The following DNALI1 variants were observed in gnomAD, a reference collection of about 807,000 sequenced individuals.
DNALI1 encodes the protein axonemal dynein light intermediate polypeptide 1.
In DNALI1, 31 loss-of-function variants were observed where a neutral mutation model predicts 33.9. The ratio of observed to expected loss-of-function variants is 0.91; its 90% confidence interval spans 0.69 to 1.23. DNALI1 has a LOEUF of 1.23. Among genes scored for constraint, DNALI1 ranks in the 50% most tolerant of loss-of-function variants. DNALI1 has a pLI of 0.00. For synonymous variants in DNALI1, 117 were observed against 129.2 expected (o/e 0.91, Z 0.64); for missense variants, 305 against 323.8 (o/e 0.94, Z 0.44).
chr1:37,562,736 C>T lies in DNALI1; in HGVS notation c.741+491C>T, dbSNP rs776852751. ...CAGAAACCTTCCCCAGAAATGTGGT[C>T]GGGGAACCCAGGCACAGGTGCTCTT... On this transcript the variant is annotated intron_variant, in intron 5 of 5. Transcript: ENST00000652629. The surrounding 1 kb of genome is among the most constrained non-coding windows in gnomAD (Gnocchi z 5.8). 1.3e-5 allele frequency among the ~76,000 whole-genome samples: 2 copies of T among 152,120 alleles called. No individual in the cohort carries two copies. The highest frequency in any genetic ancestry group is 6.5e-5 in the Admixed American group (1 of 15,276).
Position 37,566,598 on chromosome 1 carries a change from G to T in DNALI1, c.*1537G>T. On this transcript the variant is annotated 3_prime_UTR_variant, in exon 6 of 6. Coordinates refer to ENST00000652629, the MANE Select transcript of DNALI1 (RefSeq NM_003462.5). ...TTTATAGACCTCATCCCCTATTTCT[G>T]TCAGACAGTTATATGACAGGGTGAC... The T allele has an allele frequency of 2.3e-6, 1 of 435,790 alleles. No individual in the cohort carries two copies. Among genetic ancestry groups the T allele is most frequent in the Non-Finnish European group, 4.0e-6 (1 of 247,638 alleles). 27.0% of individuals were successfully genotyped at this position (435,790 alleles called of 1,614,324 possible).
intron 2 of DNALI1, among the ~76,000 whole-genome samples, chr1:37,558,616 C>A (rs187877907): frequency 2.0e-5 from 3 of 152,340 alleles, no homozygotes; most frequent in East Asian, 3.9e-4. Context: ...TGAAATGCCT[C>A]ATTCACTCTC....
In DNALI1 at chr1:37,565,147, C is replaced by T. The variant is rs1643484788; in HGVS notation, c.*86C>T. ...GCAGCCAATAAAATCATCATAAGCC[C>T]TTTGTAATAAAAAGCTAGTTTCCTG... is the stretch of plus-strand genomic sequence containing the variant. On this transcript the variant is annotated 3_prime_UTR_variant, in exon 6 of 6. Transcript: ENST00000652629. 1 of 1,509,196 alleles carries T rather than the reference C, an allele frequency of 6.6e-7. No homozygotes were observed. Among genetic ancestry groups the T allele is most frequent in the Non-Finnish European group, 9.2e-7 (1 of 1,090,688 alleles). 93.5% of individuals were successfully genotyped at this position (1,509,196 alleles called of 1,614,324 possible).
intron 5 of DNALI1, among the ~76,000 whole-genome samples, chr1:37,564,569 G>A (rs1038921345): frequency 5.3e-5 from 8 of 152,036 alleles, no homozygotes. Flanking sequence ...TTTTAGTAGA[G>A]ACGGGGTTTC....
At chr1:37,558,826 T>C (rs972683756) in intron 2 of DNALI1, among the ~76,000 whole-genome samples, 4 of 152,250 alleles carry the variant, frequency 2.6e-5, no homozygotes, top group African/African-American at 9.6e-5. Context: ...CATCTATTTT[T>C]ATGTAATAAG....
chr1:37,562,143 A>G lies in DNALI1; in HGVS notation c.639A>G (p.Lys213=). 6.2e-7 allele frequency: 1 copy of G among 1,614,126 alleles called. No homozygotes were observed. The highest frequency in any genetic ancestry group is 8.5e-7 in the Non-Finnish European group (1 of 1,180,024). ...LERQVNEQKA[K]CEATEKRESE... is the part of the protein sequence containing the mutation. ...GGCAAGTGAACGAGCAGAAGGCAAA[A>G]TGTGAAGCCACTGAGAAGCGGGAGA... is the stretch of plus-strand genomic sequence containing the variant. Residue 213 remains lysine (K), a synonymous_variant, in exon 5 of 6, where the codon AAA becomes AAG. Transcript: ENST00000652629. The surrounding 1 kb of genome is among the most constrained non-coding windows in gnomAD (Gnocchi z 5.8).
In DNALI1 at chr1:37,562,242, G is replaced by C. The variant is rs376695154; in HGVS notation, c.738G>C (p.Leu246=). 10 of 1,612,384 alleles carry C rather than the reference G, an allele frequency of 6.2e-6. No individual in the cohort carries two copies. Among genetic ancestry groups the C allele is most frequent in the Non-Finnish European group, 8.5e-6 (10 of 1,179,262 alleles). Reference sequence around the variant, plus strand: ...TCCTGAAGCGAACAAATCAGCAGCTGAAGGTAATCAACGCGCAGGGTGGGG... The same window carrying C: ...TCCTGAAGCGAACAAATCAGCAGCTCAAGGTAATCAACGCGCAGGGTGGGG... ...IQFLKRTNQQ[L]KAQLEGIIAP... Residue 246 remains leucine (L), a synonymous_variant, in exon 5 of 6, where the codon CTG becomes CTC. Transcript: ENST00000652629. The surrounding 1 kb of genome is among the most constrained non-coding windows in gnomAD (Gnocchi z 5.8).
Position 37,566,204 on chromosome 1 carries a change from A to G in DNALI1, c.*1143A>G, listed in dbSNP as rs1643498323. ...AGAAAAGCTGTGTTCCCTATGCTGAACACACCATACACATTCTCATCTGGA... is the reference window on the plus strand; with the variant it reads ...AGAAAAGCTGTGTTCCCTATGCTGAGCACACCATACACATTCTCATCTGGA... On this transcript the variant is annotated 3_prime_UTR_variant, in exon 6 of 6. Coordinates refer to ENST00000652629, the MANE Select transcript of DNALI1 (RefSeq NM_003462.5). 1 of 152,320 alleles carries G rather than the reference A, an allele frequency of 6.6e-6. No individual in the cohort carries two copies. The highest frequency in any genetic ancestry group is 1.5e-5 in the Non-Finnish European group (1 of 68,134). 9.4% of individuals were successfully genotyped at this position (152,320 alleles called of 1,614,324 possible).
At position 37,561,558 on chromosome 1, in the gene DNALI1, T is replaced by C. The variant is rs1412259649; in HGVS notation, c.399T>C (p.Asp133=). ...VRRELYSQCF[D]ELIREVTINC... is the part of the protein sequence containing the mutation. Reference sequence around the variant, plus strand: ...CTCATGGTGTGTGTGCATTGGAAGATGAGTTGATCCGGGAGGTCACCATCA... The same window carrying C: ...CTCATGGTGTGTGTGCATTGGAAGACGAGTTGATCCGGGAGGTCACCATCA... The change falls in exon 4 of 6, where the codon GAT becomes GAC. Residue 133 remains aspartate, a splice_region_variant and synonymous_variant. Coordinates refer to ENST00000652629, the MANE Select transcript of DNALI1 (RefSeq NM_003462.5). The surrounding 1 kb of genome is among the most constrained non-coding windows in gnomAD (Gnocchi z 4.6). 4 of 1,613,458 alleles carry C rather than the reference T, an allele frequency of 2.5e-6. No individual in the cohort carries two copies. Among genetic ancestry groups the C allele is most frequent in the Admixed American group, 3.3e-5 (2 of 59,952 alleles).
intron 5 of DNALI1, among the ~76,000 whole-genome samples, chr1:37,564,524 A>G (rs61776189): frequency 0.16 from 24,505 of 151,976 alleles, 2,576 homozygotes; most frequent in Middle Eastern, 0.25. Context: ...CTGGGACTAC[A>G]GACGCCTGCC....
Position 37,562,212 on chromosome 1 carries a change from T to A in DNALI1, c.708T>A (p.Ile236=), listed in dbSNP as rs780347969. 1.2e-6 allele frequency: 2 copies of A among 1,613,590 alleles called. No individual in the cohort carries two copies. The highest frequency in any genetic ancestry group is 1.7e-6 in the Non-Finnish European group (2 of 1,179,818). ...AGGAGAAGAAGCACAATGAGGAGATTCAGTTCCTGAAGCGAACAAATCAGC... is the reference window on the plus strand; with the variant it reads ...AGGAGAAGAAGCACAATGAGGAGATACAGTTCCTGAAGCGAACAAATCAGC... ...QVEEKKHNEE[I]QFLKRTNQQL... Residue 236 remains isoleucine (I), a synonymous_variant, in exon 5 of 6, where the codon ATT becomes ATA. Transcript: ENST00000652629. The surrounding 1 kb of genome is among the most constrained non-coding windows in gnomAD (Gnocchi z 5.8).
At chr1:37,557,869 G>A (rs768561327) in intron 2 of DNALI1, 121 bp downstream of exon 2, 76 of 1,417,042 alleles carry the variant, frequency 5.4e-5, no homozygotes, top group Non-Finnish European at 6.7e-5. Context: ...GTATCACAGA[G>A]CTCCTAGAAC....
At position 37,561,780 on chromosome 1, in the gene DNALI1, ACCT is replaced by A. The variant is rs1417166700; in HGVS notation, c.576+47_576+49del. On this transcript the variant is annotated intron_variant, in intron 4 of 5. Coordinates refer to ENST00000652629, the MANE Select transcript of DNALI1 (RefSeq NM_003462.5). The surrounding 1 kb of genome is among the most constrained non-coding windows in gnomAD (Gnocchi z 4.6). ...ACCCTTGGTCCCATCTCTTCTGTAA[ACCT>A]CAGGGCCACATGCTTATCATTCCAG... 3.5e-5 allele frequency: 55 copies of A among 1,586,434 alleles called. No homozygotes were observed. Among genetic ancestry groups the A allele is most frequent in the Non-Finnish European group, 4.4e-5 (51 of 1,161,904 alleles).
At position 37,562,123 on chromosome 1, in the gene DNALI1, G is replaced by A. The variant is rs769156694; in HGVS notation, c.619G>A (p.Val207Met). The change falls in exon 5 of 6, where the codon GTG (valine) becomes ATG (methionine). Residue 207 changes from valine to methionine, a missense_variant. Coordinates refer to ENST00000652629, the MANE Select transcript of DNALI1 (RefSeq NM_003462.5). This position sits in a 1 kb window ranked among gnomAD's most constrained non-coding sequence, Gnocchi z 5.8. ...GGAAAAGAGAGACCTGGAGAGGCAAGTGAACGAGCAGAAGGCAAAATGTGA... is the reference window on the plus strand; with the variant it reads ...GGAAAAGAGAGACCTGGAGAGGCAAATGAACGAGCAGAAGGCAAAATGTGA... ...ETEKRDLERQ[V>M]NEQKAKCEAT... 13 of 1,614,150 alleles carry A rather than the reference G, an allele frequency of 8.1e-6. No individual in the cohort carries two copies. Among genetic ancestry groups the A allele is most frequent in the Non-Finnish European group, 1.1e-5 (13 of 1,180,034 alleles).
Position 37,561,938 on chromosome 1 carries a change from A to T in DNALI1, c.577-143A>T. The stretch of plus-strand genomic sequence containing the variant: ...GTCTTGGCAGAGTTGTTTCCGCTGT[A>T]GACGCTCCATGCCAGGCACTGACCT... On this transcript the variant is annotated intron_variant, in intron 4 of 5. Transcript: ENST00000652629. The surrounding 1 kb of genome is among the most constrained non-coding windows in gnomAD (Gnocchi z 4.6). 1.4e-6 allele frequency: 2 copies of T among 1,420,496 alleles called. No individual in the cohort carries two copies. The highest frequency in any genetic ancestry group is 2.3e-5 in the East Asian group (1 of 43,168). The allele number at this position is 1,420,496 out of a possible 1,614,324, so 88.0% of individuals were successfully genotyped here. A position where few individuals can be genotyped will look rare whatever the true frequency, so the allele number is the denominator to read the frequency against.
chr1:37,560,274 G>A (rs953449033), intron 3 of DNALI1, among the ~76,000 whole-genome samples: 6 of 152,190 alleles, frequency 3.9e-5, no homozygotes, highest in Non-Finnish European at 5.9e-5. Context: ...GGACGGTCAG[G>A]TCTTTCCCAT....
chr1:37,564,521 T>C (rs557120607), intron 5 of DNALI1, among the ~76,000 whole-genome samples: 1 of 152,222 alleles, frequency 6.6e-6, no homozygotes, highest in Non-Finnish European at 1.5e-5. Flanking sequence ...TAGCTGGGAC[T>C]ACAGACGCCT....
chr1:37,559,175 C>G lies in DNALI1; in HGVS notation c.228-152C>G. ...CAGCATAGTGGGTGTGGCTTTGGAG[C>G]CTCACACCCCAAGGGATGGAGGATT... On this transcript the variant is annotated intron_variant, in intron 2 of 5. Transcript: ENST00000652629. The surrounding 1 kb of genome is among the most constrained non-coding windows in gnomAD (Gnocchi z 5.3). The G allele has an allele frequency of 2.7e-6, 2 of 735,044 alleles. No individual in the cohort carries two copies. The highest frequency in any genetic ancestry group is 4.2e-6 in the Non-Finnish European group (2 of 471,232). 45.5% of individuals were successfully genotyped at this position (735,044 alleles called of 1,614,324 possible). A position where few individuals can be genotyped will look rare whatever the true frequency, so the allele number is the denominator to read the frequency against.
chr1:37,564,468 C>T (rs1282703938), intron 5 of DNALI1, among the ~76,000 whole-genome samples: 1 of 151,956 alleles, frequency 6.6e-6, no homozygotes, highest in African/African-American at 2.4e-5. Context: ...CTGCAAGCCC[C>T]GCCTCCCAGG....
Sources: allele counts gnomAD v4.1 joint callset (sites outside exome capture counted in the v4.1 genomes callset), GRCh38; gene constraint gnomAD v4.1.1; non-coding constraint Gnocchi (gnomAD v3.1); transcripts MANE v1.5; gene names NCBI Gene and HGNC (gene_info 2026-07-23, HGNC 2026-07-21).